The following ARFGEF2 variants were observed in gnomAD, a reference collection of about 807,000 sequenced individuals.
ARFGEF2 encodes brefeldin A-inhibited guanine nucleotide-exchange protein 2.
A neutral mutation model predicts 219.9 loss-of-function variants in ARFGEF2; 74 were observed. The ratio of observed to expected loss-of-function variants is 0.34; its 90% CI spans 0.28 to 0.41. The LOEUF is 0.41. Ranked by LOEUF, ARFGEF2 falls within the 10% of genes least tolerant of loss-of-function variation. The pLI, the probability that ARFGEF2 is intolerant of heterozygous loss-of-function variation, is 1.00. For missense variants in ARFGEF2, 1,743 were observed against 2,218.3 expected, an observed-to-expected ratio of 0.79 and a Z score of 4.30; for synonymous variants, 733 against 799.2, an observed-to-expected ratio of 0.92 and a Z score of 1.40.
intron 37 of ARFGEF2, 106 bp from the exon 38 acceptor site, chr20:49,031,943 A>T (rs764041554): frequency 5.3e-5 from 50 of 940,260 alleles, no homozygotes; most frequent in Non-Finnish European, 8.4e-5. Context: ...ATTAAAAAAA[A>T]CATGTTAAAA....
chr20:48,999,024 T>G (rs2091408552), intron 25 of ARFGEF2, among the ~76,000 whole-genome samples: 1 of 151,666 alleles, frequency 6.6e-6, no homozygotes, highest in African/African-American at 2.4e-5. Flanking sequence ...GATCACAAGG[T>G]CAGGAGTTTG....
rs1482517832 is a variant in ARFGEF2 at position 48,921,986 on chromosome 20, C to T, written c.97C>T (p.Arg33Cys). The T allele has an allele frequency of 5.7e-6, 9 of 1,580,104 alleles. No individual in the cohort carries two copies. Among genetic ancestry groups the T allele is most frequent in the South Asian group, 3.5e-5 (3 of 86,326 alleles). The change falls in exon 1 of 39, where the codon CGC becomes TGC. Residue 33 changes from arginine (R) to cysteine (C), a missense_variant. Transcript: ENST00000371917. ...EVKRPQHSQL[R>C]RACQVALDEI... Reference sequence around the variant, plus strand: ...GAAGCGGCCCCAGCACTCCCAGCTGCGCAGGGCCTGCCAGGTGGCGCTCGG... The same window carrying T: ...GAAGCGGCCCCAGCACTCCCAGCTGTGCAGGGCCTGCCAGGTGGCGCTCGG...
At chr20:48,950,302 G>A (rs1264998823) in intron 3 of ARFGEF2, among the ~76,000 whole-genome samples, 12 of 151,758 alleles carry the variant, frequency 7.9e-5, no homozygotes, top group African/African-American at 1.7e-4. Flanking sequence ...AGGATTCAAC[G>A]TTGAAAAAAA....
rs61748373 is a variant in ARFGEF2, at chr20:48,995,838, G to T, written c.3177G>T (p.Ser1059=). 204 of 1,614,164 alleles carry T rather than the reference G, an allele frequency of 1.3e-4. No individual in the cohort carries two copies. Among genetic ancestry groups the T allele is most frequent in the Middle Eastern group, 1.6e-4 (1 of 6,062 alleles). ...DKRQMASFQE[S]VGETSSQSVV... ...GACAGATGGCCAGCTTCCAAGAATC[G>T]GTTGGTGAGACCAGCTCGCAGAGTG... Residue 1059 remains serine, a synonymous_variant, in exon 23 of 39, where the codon TCG becomes TCT. Coordinates refer to ENST00000371917, the MANE Select transcript of ARFGEF2 (RefSeq NM_006420.3).
intron 14 of ARFGEF2, among the ~76,000 whole-genome samples, chr20:48,980,157 G>A (rs1409103831): frequency 1.3e-5 from 2 of 152,128 alleles, no homozygotes; most frequent in African/African-American, 4.8e-5. Context: ...CTTTAAATGT[G>A]TCCCAGAGAC....
chr20:48,943,627 G>T (rs1407773392), intron 3 of ARFGEF2, among the ~76,000 whole-genome samples: 1 of 152,048 alleles, frequency 6.6e-6, no homozygotes, highest in African/African-American at 2.4e-5. Flanking sequence ...CTGTAGTGCA[G>T]TGCCTTGATA....
In ARFGEF2 at chr20:48,971,183, T is replaced by C; in HGVS notation, c.1254T>C (p.Ala418=). The change falls in exon 10 of 39, where the codon GCT becomes GCC. Residue 418 remains alanine (A), a synonymous_variant. Transcript: ENST00000371917. The part of the protein sequence containing the change: ...LQLLLSVLQN[A]GPVFRTHEMF... ...TGCTCCTCTCTGTGTTGCAAAATGC[T>C]GGCCCCGTATTCAGGACTCACGAGA... 1 of 1,614,220 alleles carries C rather than the reference T, an allele frequency of 6.2e-7. No homozygotes were observed. Among genetic ancestry groups the C allele is most frequent in the Non-Finnish European group, 8.5e-7 (1 of 1,180,044 alleles).
intron 34 of ARFGEF2, among the ~76,000 whole-genome samples, chr20:49,022,431 A>ACAACAAC (rs61496448): frequency 2.2e-4 from 33 of 148,366 alleles, no homozygotes; most frequent in African/African-American, 5.1e-4. Context: ...AACAACAACA[A>ACAACAAC]AAAAAAAAAA....
intron 26 of ARFGEF2, among the ~76,000 whole-genome samples, chr20:49,009,680 G>A (rs1436694947): frequency 6.6e-6 from 1 of 152,026 alleles, no homozygotes; most frequent in Non-Finnish European, 1.5e-5. Flanking sequence ...AATAATTTAG[G>A]TAAACATTGC....
At position 49,010,388 on chromosome 20, in the gene ARFGEF2, C is replaced by T; in HGVS notation, c.3741C>T (p.Thr1247=). The T allele has an allele frequency of 1.2e-6, 2 of 1,614,016 alleles. No homozygotes were observed. The highest frequency in any genetic ancestry group is 2.7e-5 in the African/African-American group (2 of 75,052). The change falls in exon 27 of 39, where the codon ACC becomes ACT. Residue 1247 remains threonine, a synonymous_variant. Transcript: ENST00000371917. ...DGNIVELAFQ[T]TCHIVTTIFQ... The stretch of plus-strand genomic sequence containing the variant: ...ACATTGTGGAGCTGGCCTTCCAGAC[C>T]ACTTGCCACATTGTCAGTAAGTGGC...
At chr20:48,970,957 G>A (rs1257640073) in intron 9 of ARFGEF2, among the ~76,000 whole-genome samples, 163 bp from the exon 10 acceptor site, 1 of 152,246 alleles carries the variant, frequency 6.6e-6, no homozygotes, top group Non-Finnish European at 1.5e-5. Context: ...TGCGATTCCA[G>A]AAGGACCCAA....
At chr20:48,950,990 C>T (rs745850662) in intron 3 of ARFGEF2, among the ~76,000 whole-genome samples, 3 of 151,558 alleles carry the variant, frequency 2.0e-5, no homozygotes, top group Non-Finnish European at 2.9e-5. Flanking sequence ...TGTCTCCCTA[C>T]GCCGCCCCCC....
At chr20:48,945,434 C>T (rs2091019571) in intron 3 of ARFGEF2, among the ~76,000 whole-genome samples, 1 of 152,134 alleles carries the variant, frequency 6.6e-6, no homozygotes, top group Non-Finnish European at 1.5e-5. Context: ...GTGGTTCTGG[C>T]CTGTTTAGTA....
chr20:49,024,083 C>G (rs1376603427), intron 35 of ARFGEF2, among the ~76,000 whole-genome samples: 1 of 152,026 alleles, frequency 6.6e-6, no homozygotes, highest in Non-Finnish European at 1.5e-5. Flanking sequence ...GTGATTCCCC[C>G]ATCTCAGCCT....
chr20:48,935,063 G>A (rs982744506), intron 1 of ARFGEF2, among the ~76,000 whole-genome samples: 1 of 151,842 alleles, frequency 6.6e-6, no homozygotes, highest in African/African-American at 2.4e-5. Flanking sequence ...GGCGTGAGAT[G>A]GTATCTCGTT....
chr20:48,923,696 G>T (rs1254767390), intron 1 of ARFGEF2, among the ~76,000 whole-genome samples: 1 of 152,200 alleles, frequency 6.6e-6, no homozygotes, highest in Non-Finnish European at 1.5e-5. Context: ...TCTCGATATT[G>T]TTGTGGAGGT....
chr20:49,013,107 T>C (rs1459734508), intron 28 of ARFGEF2, among the ~76,000 whole-genome samples: 1 of 152,212 alleles, frequency 6.6e-6, no homozygotes, highest in African/African-American at 2.4e-5. Flanking sequence ...CTTGGAATCC[T>C]TGTGAGAATT....
chr20:48,994,333 C>T (rs2091373875), intron 21 of ARFGEF2, 118 bp from the exon 22 acceptor site: 2 of 1,232,628 alleles, frequency 1.6e-6, no homozygotes, highest in Admixed American at 1.8e-5. Flanking sequence ...TTTGCATAAA[C>T]ATCTATATGG....
chr20:48,970,703 C>T (rs1016637507), intron 9 of ARFGEF2, among the ~76,000 whole-genome samples: 3 of 152,078 alleles, frequency 2.0e-5, no homozygotes, highest in South Asian at 4.1e-4. Context: ...ACCTGAACTC[C>T]GGCATGGGCA....
Sources: gnomAD v4.1 joint callset for allele counts (sites outside exome capture counted in the v4.1 genomes callset) on GRCh38, gnomAD v4.1.1 for gene constraint, MANE v1.5 for transcripts, NCBI Gene and HGNC (gene_info 2026-07-23, HGNC 2026-07-21) for gene names.